The following GPC5 variants were observed in gnomAD, a reference collection of about 807,000 sequenced individuals.
GPC5 encodes glypican 5.
A neutral mutation model predicts 53.9 loss-of-function variants in GPC5; 47 were observed. The ratio of observed to expected loss-of-function variants is 0.87; its 90% CI spans 0.69 to 1.11. The LOEUF (loss-of-function observed/expected upper bound fraction) is 1.11. GPC5 is among the 50% of genes most tolerant of loss of function. GPC5 has a pLI of 0.00. For missense variants in GPC5, 748 were observed against 713.1 expected, an observed-to-expected ratio of 1.05 and a Z score of -0.56; for synonymous variants, 286 against 263.3, an observed-to-expected ratio of 1.09 and a Z score of -0.84.
At chr13:92,744,479 A>T (rs897215244) in intron 7 of GPC5, among the ~76,000 whole-genome samples, 1 of 151,594 alleles carries the variant, frequency 6.6e-6, no homozygotes, top group Admixed American at 6.6e-5. Context: ...AGGAGATGAG[A>T]CTGACTTTAG....
At chr13:91,403,322 G>A (rs1447550242) in intron 1 of GPC5, among the ~76,000 whole-genome samples, 2 of 152,196 alleles carry the variant, frequency 1.3e-5, no homozygotes, top group African/African-American at 2.4e-5. Flanking sequence ...AAGGGACTCT[G>A]GAGAGTTTGG....
At chr13:91,795,317 A>T (rs1358507682) in intron 5 of GPC5, among the ~76,000 whole-genome samples, 1 of 152,220 alleles carries the variant, frequency 6.6e-6, no homozygotes, top group Non-Finnish European at 1.5e-5. Flanking sequence ...GCACTTTAAA[A>T]AAGTGAAATC....
intron 7 of GPC5, among the ~76,000 whole-genome samples, chr13:92,847,521 T>A (rs1288764013): frequency 6.6e-6 from 1 of 152,164 alleles, no homozygotes; most frequent in East Asian, 1.9e-4. Flanking sequence ...CTCTTCTTCC[T>A]TCTCCAGCCA....
chr13:92,709,243 G>GAGAT (rs1308709080), intron 7 of GPC5, among the ~76,000 whole-genome samples: 1 of 146,970 alleles, frequency 6.8e-6, no homozygotes, highest in African/African-American at 2.5e-5. Flanking sequence ...ATTTTTAGTA[G>GAGAT]AGATAGGGTT....
At chr13:92,752,497 G>A (rs1011872128) in intron 7 of GPC5, among the ~76,000 whole-genome samples, 4 of 152,150 alleles carry the variant, frequency 2.6e-5, no homozygotes, top group African/African-American at 2.4e-5. Flanking sequence ...CAAGATGGCC[G>A]AATAGGAATA....
chr13:91,861,340 C>G (rs2039025823), intron 5 of GPC5, among the ~76,000 whole-genome samples: 1 of 152,140 alleles, frequency 6.6e-6, no homozygotes, highest in African/African-American at 2.4e-5. Flanking sequence ...TGTCATTTAT[C>G]TATTTCTCCC....
At chr13:91,960,346 A>G (rs2040115622) in intron 6 of GPC5, among the ~76,000 whole-genome samples, 1 of 151,952 alleles carries the variant, frequency 6.6e-6, no homozygotes, top group Non-Finnish European at 1.5e-5. Context: ...AAAAAATAAA[A>G]TACTTAGTAA....
chr13:92,385,553 T>TACGC (rs1172561555), intron 7 of GPC5, among the ~76,000 whole-genome samples: 27 of 144,780 alleles, frequency 1.9e-4, no homozygotes, highest in South Asian at 8.5e-4. Flanking sequence ...TATATACATA[T>TACGC]ATGCATATAT....
At chr13:92,316,750 C>G (rs1488098895) in intron 7 of GPC5, among the ~76,000 whole-genome samples, 1 of 152,026 alleles carries the variant, frequency 6.6e-6, no homozygotes, top group Admixed American at 6.6e-5. Flanking sequence ...GCATCTGCAT[C>G]AGAGTTTTAA....
At chr13:91,597,948 A>T (rs1473214621) in intron 2 of GPC5, among the ~76,000 whole-genome samples, 4 of 151,794 alleles carry the variant, frequency 2.6e-5, no homozygotes, top group Non-Finnish European at 5.9e-5. Flanking sequence ...GAAAAAGCGG[A>T]TGCTCAATTT....
At chr13:91,656,097 C>A (rs528502513) in intron 2 of GPC5, among the ~76,000 whole-genome samples, 1 of 152,140 alleles carries the variant, frequency 6.6e-6, no homozygotes, top group Non-Finnish European at 1.5e-5. Context: ...TTGCCTAATT[C>A]TCACTACTTT....
intron 2 of GPC5, among the ~76,000 whole-genome samples, chr13:91,650,772 T>TTTTTTTTTTTTTTTTTTTTTTG (rs2034687788): frequency 7.9e-6 from 1 of 127,104 alleles, no homozygotes; most frequent in Admixed American, 8.1e-5. Flanking sequence ...TTTTTTTTTT[T>TTTTTTTTTTTTTTTTTTTTTTG]AGCACAGAAG....
intron 7 of GPC5, among the ~76,000 whole-genome samples, chr13:92,731,960 T>C (rs993683351): frequency 6.6e-6 from 1 of 151,238 alleles, no homozygotes; most frequent in African/African-American, 2.4e-5. Flanking sequence ...TTCCATGGGA[T>C]TGTGTGAGGG....
chr13:92,010,448 TGAG>T (rs2040650614), intron 6 of GPC5, among the ~76,000 whole-genome samples: 1 of 152,168 alleles, frequency 6.6e-6, no homozygotes, highest in Non-Finnish European at 1.5e-5. Flanking sequence ...GAAAAAAAGT[TGAG>T]GAAGTGCTAA....
intron 5 of GPC5, among the ~76,000 whole-genome samples, chr13:91,798,817 A>G (rs138177619): frequency 1.3e-3 from 205 of 152,246 alleles, no homozygotes; most frequent in Middle Eastern, 3.4e-3. Flanking sequence ...GATTGAACTA[A>G]TTTACACTCC....
intron 5 of GPC5, among the ~76,000 whole-genome samples, chr13:91,891,879 A>G (rs7982606): frequency 0.33 from 49,961 of 151,910 alleles, 10,396 homozygotes; most frequent in African/African-American, 0.6. Context: ...TGCTTATTAG[A>G]GTATTTTCCA....
chr13:91,743,676 T>TTG (rs2036985208), intron 4 of GPC5, among the ~76,000 whole-genome samples: 1 of 152,074 alleles, frequency 6.6e-6, no homozygotes, highest in Non-Finnish European at 1.5e-5. Flanking sequence ...GTAGAAAAAA[T>TTG]TGTGTCTCTA....
intron 2 of GPC5, among the ~76,000 whole-genome samples, chr13:91,635,087 C>T (rs2034254197): frequency 6.6e-6 from 1 of 152,040 alleles, no homozygotes; most frequent in African/African-American, 2.4e-5. Flanking sequence ...TGTATTGAGA[C>T]AGAGGGAAGT....
chr13:91,659,672 G>T (rs1435579808), intron 2 of GPC5, among the ~76,000 whole-genome samples: 1 of 152,016 alleles, frequency 6.6e-6, no homozygotes, highest in Non-Finnish European at 1.5e-5. Context: ...AACAAATTTG[G>T]GTCTAGCAGC....
Sources: allele counts gnomAD v4.1 joint callset (sites outside exome capture counted in the v4.1 genomes callset), GRCh38; gene constraint gnomAD v4.1.1; transcripts MANE v1.5; gene names NCBI Gene and HGNC (gene_info 2026-07-23, HGNC 2026-07-21).